The following PNKD variants were observed in gnomAD, a reference collection of about 807,000 sequenced individuals.
PNKD encodes the protein PNKD metallo-beta-lactamase domain containing.
PNKD carries 36 observed loss-of-function variants against 45.3 expected under a neutral mutation model. The ratio of observed to expected loss-of-function variants is 0.80; its 90% CI spans 0.61 to 1.05. The LOEUF is 1.05. PNKD is among the 50% of genes least tolerant of loss of function. The probability of loss-of-function intolerance (pLI) is 0.00; values close to 1 mark genes in which losing one functional copy is unlikely to be tolerated. For synonymous variants in PNKD, 197 were observed against 210.1 expected, an observed-to-expected ratio of 0.94 and a Z score of 0.54; for missense variants, 511 against 506.6, an observed-to-expected ratio of 1.01 and a Z score of -0.08.
intron 2 of PNKD, among the ~76,000 whole-genome samples, chr2:218,306,571 G>A (rs368977173): frequency 5.9e-5 from 9 of 152,278 alleles, no homozygotes; most frequent in Admixed American, 5.9e-4. Context: ...AAGAGAATGA[G>A]GTTTGAGTAG....
chr2:218,304,209 A>G (rs1693353156), intron 2 of PNKD, among the ~76,000 whole-genome samples: 8 of 151,862 alleles, frequency 5.3e-5, no homozygotes, highest in Admixed American at 5.3e-4. Flanking sequence ...GCTGGAGTGC[A>G]GTGGCGTGGT....
chr2:218,291,163 A>T (rs1307914409), intron 2 of PNKD, among the ~76,000 whole-genome samples: 1 of 152,186 alleles, frequency 6.6e-6, no homozygotes, highest in Non-Finnish European at 1.5e-5. Context: ...CTTACAGGAT[A>T]ACCCATCATT....
intron 2 of PNKD, chr2:218,277,529 G>A: frequency 6.2e-7 from 1 of 1,606,370 alleles, no homozygotes; most frequent in Non-Finnish European, 8.5e-7. Flanking sequence ...ACTTCCAGAG[G>A]GGACCTGCCC....
At chr2:218,322,240 C>A (rs1694007024) in intron 2 of PNKD, among the ~76,000 whole-genome samples, 3 of 152,170 alleles carry the variant, frequency 2.0e-5, no homozygotes, top group Admixed American at 1.3e-4. Context: ...CTCTTTAGAG[C>A]ATTTCCTTCC....
chr2:218,275,278 T>TC (rs2106184725), intron 2 of PNKD: 1 of 578,920 alleles, frequency 1.7e-6, no homozygotes, highest in East Asian at 3.4e-5. Flanking sequence ...CAACAGTTAG[T>TC]CCCTAGCTCC....
chr2:218,340,638 T>C lies in PNKD; in HGVS notation c.466-90T>C. 4 of 916,908 alleles carry C rather than the reference T, an allele frequency of 4.4e-6. No individual in the cohort carries two copies. The highest frequency in any genetic ancestry group is 1.7e-5 in the Admixed American group (1 of 58,830). 56.8% of individuals were successfully genotyped at this position (916,908 alleles called of 1,614,324 possible). ...TTCATCTCTCCATGCTCTCCTCTCC[T>C]CTCCACCAGCGCCCACACTCCTGGC... On this transcript the variant is annotated intron_variant, in intron 4 of 9. Coordinates refer to ENST00000273077, the MANE Select transcript of PNKD (RefSeq NM_015488.5). This position sits in a 1 kb window ranked among gnomAD's most constrained non-coding sequence, Gnocchi z 4.2.
At chr2:218,288,202 G>A (rs2106234349) in intron 2 of PNKD, among the ~76,000 whole-genome samples, 1 of 151,920 alleles carries the variant, frequency 6.6e-6, no homozygotes, top group South Asian at 2.1e-4. Context: ...GCCAAGGCGG[G>A]CGGATCACGA....
chr2:218,271,687 C>T, intron 2 of PNKD, 138 bp downstream of exon 2: 1 of 732,616 alleles, frequency 1.4e-6, no homozygotes, highest in East Asian at 2.7e-5. Context: ...CGATTGGAAT[C>T]TCAGAGGGGT....
intron 2 of PNKD, chr2:218,323,162 G>A: frequency 7.4e-7 from 1 of 1,350,946 alleles, no homozygotes; most frequent in Non-Finnish European, 9.5e-7. Context: ...GGGCCACAAC[G>A]CCCCCACGTC....
intron 3 of PNKD, 43 bp from the exon 4 acceptor site, chr2:218,339,986 C>G (rs1401835545): frequency 6.7e-7 from 1 of 1,485,882 alleles, no homozygotes; most frequent in Admixed American, 1.7e-5. Context: ...AGCCCCTGGG[C>G]TCCCTGCCTG....
chr2:218,291,317 G>A (rs1692911646), intron 2 of PNKD, among the ~76,000 whole-genome samples: 1 of 152,192 alleles, frequency 6.6e-6, no homozygotes, highest in African/African-American at 2.4e-5. Context: ...GACAGAGAGA[G>A]GAGGCAGGTG....
rs1574723573 is a variant in PNKD at position 218,344,572 on chromosome 2, T to G, written c.984+2T>G. 6.3e-7 allele frequency: 1 copy of G among 1,588,434 alleles called. No individual in the cohort carries two copies. Among genetic ancestry groups the G allele is most frequent in the African/African-American group, 1.3e-5 (1 of 74,420 alleles). On this transcript the variant is annotated splice_donor_variant, in intron 9 of 9. Coordinates refer to ENST00000273077, the MANE Select transcript of PNKD (RefSeq NM_015488.5). LOFTEE classifies it high-confidence loss of function. ...CAGCGGCTGGAGCGCAAGGGCACGG[T>G]GAGGGACTCGGGGTCCAGGAGGAGC... is the stretch of plus-strand genomic sequence containing the variant.
chr2:218,281,368 CTCAGGTG>C (rs2106210744), intron 2 of PNKD, among the ~76,000 whole-genome samples: 1 of 152,078 alleles, frequency 6.6e-6, no homozygotes, highest in South Asian at 2.1e-4. Flanking sequence ...AATTCCTGAC[CTCAGGTG>C]ATCTGCTCGC....
At chr2:218,324,172 T>C (rs1694077353) in intron 2 of PNKD, among the ~76,000 whole-genome samples, 1 of 151,516 alleles carries the variant, frequency 6.6e-6, no homozygotes. Context: ...CAAGCACTGT[T>C]CAGCCCCAGG....
chr2:218,288,574 T>G (rs541006062), intron 2 of PNKD, among the ~76,000 whole-genome samples: 4 of 152,176 alleles, frequency 2.6e-5, no homozygotes, highest in Non-Finnish European at 5.9e-5. Flanking sequence ...ATCTAAAACA[T>G]TTTGAGCACC....
At chr2:218,311,752 T>C (rs544865102) in intron 2 of PNKD, among the ~76,000 whole-genome samples, 1 of 152,112 alleles carries the variant, frequency 6.6e-6, no homozygotes, top group East Asian at 1.9e-4. Context: ...AGCCTTCCTC[T>C]TATCTCAACT....
chr2:218,324,997 CTTT>C (rs1167758595), intron 2 of PNKD, among the ~76,000 whole-genome samples: 1 of 62,680 alleles, frequency 1.6e-5, no homozygotes, highest in Non-Finnish European at 2.7e-5. Context: ...AAATAATTTT[CTTT>C]TTTTTTTTTT....
chr2:218,286,452 G>A (rs1423175474), intron 2 of PNKD: 1 of 152,126 alleles, frequency 6.6e-6, no homozygotes, highest in Non-Finnish European at 1.5e-5. Context: ...TTCAGACTGT[G>A]CCCTATCCTT....
At chr2:218,272,792 C>T in intron 2 of PNKD, 1 of 1,613,894 alleles carries the variant, frequency 6.2e-7, no homozygotes, top group South Asian at 1.1e-5. Flanking sequence ...AGGCTATTGA[C>T]TGTTAAGTCC....
Sources: allele counts gnomAD v4.1 joint callset (sites outside exome capture counted in the v4.1 genomes callset), GRCh38; gene constraint gnomAD v4.1.1; non-coding constraint Gnocchi (gnomAD v3.1); transcripts MANE v1.5; gene names NCBI Gene and HGNC (gene_info 2026-07-23, HGNC 2026-07-21).